COPS9: variants seen among roughly 807,000 people sequenced by gnomAD.
COPS9 encodes COP9 signalosome complex subunit 9.
In COPS9, 8 loss-of-function variants were observed where a neutral mutation model predicts 7.2. The observed-to-expected ratio is 1.11, with a 90% CI of 0.65 to 2.00. COPS9 has a LOEUF of 2.00. Among genes scored for constraint, COPS9 ranks in the 30% most tolerant of loss-of-function variants. COPS9 has a pLI of 0.00. For synonymous variants in COPS9, 39 were observed against 28.7 expected, an observed-to-expected ratio of 1.36 and a Z score of -1.14; for missense variants, 74 against 77.7, an observed-to-expected ratio of 0.95 and a Z score of 0.18.
intron 1 of COPS9, chr2:240,135,852 C>A (rs1357595980): frequency 7.4e-6 from 2 of 270,402 alleles, no homozygotes; most frequent in Admixed American, 5.6e-5. Context: ...AAATCCCACA[C>A]GAGGTTATGG....
At chr2:240,127,069 CT>C, downstream of COPS9, 1 of 1,207,374 alleles carries the variant, frequency 8.3e-7, no homozygotes, top group Non-Finnish European at 1.1e-6. Context: ...GGTACAGGAA[CT>C]TAGGACAGAG....
chr2:240,136,137 C>T, intron 1 of COPS9, 85 bp downstream of exon 1: 1 of 1,374,594 alleles, frequency 7.3e-7, no homozygotes, highest in Non-Finnish European at 9.4e-7. Flanking sequence ...CCTCCCCTCC[C>T]CGGGACCCGC....
chr2:240,133,872 G>A, intron 2 of COPS9, 61 bp downstream of exon 2: 2 of 1,537,648 alleles, frequency 1.3e-6, no homozygotes, highest in Non-Finnish European at 1.8e-6. Flanking sequence ...TTGCTTCACT[G>A]CCTTCACCTA....
chr2:240,134,201 T>A, intron 1 of COPS9, 196 bp from the exon 2 acceptor site: 2 of 582,362 alleles, frequency 3.4e-6, no homozygotes. Flanking sequence ...GAATGATTTT[T>A]AAGGTCTCTC....
intron 2 of COPS9, among the ~76,000 whole-genome samples, chr2:240,133,395 T>C (rs2071940770): frequency 6.6e-6 from 1 of 152,228 alleles, no homozygotes; most frequent in Non-Finnish European, 1.5e-5. Context: ...ACCCATGTTT[T>C]TGGTAACTAG....
chr2:240,130,378 A>G (rs2071909774), downstream of COPS9, among the ~76,000 whole-genome samples: 1 of 152,240 alleles, frequency 6.6e-6, no homozygotes, highest in Non-Finnish European at 1.5e-5. Context: ...CTGGGCCTAC[A>G]GGAAACAAGA....
chr2:240,131,049 TC>T lies in COPS9; in HGVS notation c.*1del. 1.2e-6 allele frequency: 2 copies of T among 1,613,072 alleles called. No homozygotes were observed. The highest frequency in any genetic ancestry group is 1.3e-5 in the African/African-American group (1 of 75,042). The stretch of plus-strand genomic sequence containing the variant: ...TGGCCCCGCCTGCAGCCAGAGGGCA[TC>T]TCACTGGATGTCATCATCATCAAAA... On this transcript the variant is annotated 3_prime_UTR_variant, in exon 3 of 3. Coordinates refer to ENST00000607357, the MANE Select transcript of COPS9 (RefSeq NM_001163424.2).
chr2:240,128,776 G>A (rs1057424803), downstream of COPS9, among the ~76,000 whole-genome samples: 8 of 152,172 alleles, frequency 5.3e-5, no homozygotes, highest in East Asian at 3.9e-4. Flanking sequence ...ACAGCCTCAC[G>A]GTGACAGCCG....
downstream of COPS9, chr2:240,130,070 G>A (rs2071906312): frequency 6.5e-7 from 1 of 1,527,838 alleles, no homozygotes; most frequent in Non-Finnish European, 9.0e-7. Context: ...AGGATGACAG[G>A]GTGGAAATCC....
chr2:240,136,225 G>A lies in COPS9; in HGVS notation c.60C>T (p.Asp20=), dbSNP rs748883853. 3.2e-6 allele frequency: 5 copies of A among 1,555,326 alleles called. No homozygotes were observed. The highest frequency in any genetic ancestry group is 1.9e-5 in the Admixed American group (1 of 51,980). Residue 20 remains aspartate, a synonymous_variant, in exon 1 of 3, where the codon GAC becomes GAT. Coordinates refer to ENST00000607357, the MANE Select transcript of COPS9 (RefSeq NM_001163424.2). ...PEGAGPYVDL[D]EAGGSTGLLM... is the part of the protein sequence containing the mutation. ...ACTCCCGCCGGGCCCGTGCCACCTC[G>A]TCCAGGTCCACGTAGGGCCCGGCGC...
chr2:240,130,175 G>A (rs557874304), downstream of COPS9: 3 of 632,946 alleles, frequency 4.7e-6, no homozygotes, highest in African/African-American at 1.8e-5. Context: ...CTGTAAACAT[G>A]ACAAGGTGAC....
At position 240,134,039 on chromosome 2, in the gene COPS9, C is replaced by T. The variant is rs748959672; in HGVS notation, c.64-34G>A. 2.6e-5 allele frequency: 42 copies of T among 1,608,686 alleles called. No individual in the cohort carries two copies. In the South Asian group the frequency reaches 3.1e-4, roughly 12 times the overall value. On this transcript the variant is annotated intron_variant, in intron 1 of 2. Coordinates refer to ENST00000607357, the MANE Select transcript of COPS9 (RefSeq NM_001163424.2). ...TGGAAAGGCAAGGTTATGTCAGGTGCGTTTTCCGAAAGAACAGGTGATAAG... is the reference window on the plus strand; with the variant it reads ...TGGAAAGGCAAGGTTATGTCAGGTGTGTTTTCCGAAAGAACAGGTGATAAG...
At chr2:240,128,236 G>C (rs1000667551), downstream of COPS9, among the ~76,000 whole-genome samples, 1 of 152,178 alleles carries the variant, frequency 6.6e-6, no homozygotes, top group African/African-American at 2.4e-5. Flanking sequence ...GAGACTGCTG[G>C]AACCACGGTG....
At chr2:240,126,899 T>C, downstream of COPS9, 1 of 1,614,092 alleles carries the variant, frequency 6.2e-7, no homozygotes, top group South Asian at 1.1e-5. Flanking sequence ...TCCCAAACGC[T>C]CTGTCCAAAG....
At chr2:240,131,232 C>G (rs1225982843) in intron 2 of COPS9, 144 bp from the exon 3 acceptor site, 2 of 1,014,994 alleles carry the variant, frequency 2.0e-6, no homozygotes, top group Non-Finnish European at 2.9e-6. Flanking sequence ...CCGTAACAGA[C>G]TTTCAGTTTC....
downstream of COPS9, chr2:240,129,918 G>T: frequency 6.2e-7 from 1 of 1,613,772 alleles, no homozygotes; most frequent in East Asian, 2.2e-5. Context: ...TACCTCTTCC[G>T]ACACCACAGG....
At chr2:240,131,860 T>A (rs1224612367) in intron 2 of COPS9, among the ~76,000 whole-genome samples, 1 of 152,160 alleles carries the variant, frequency 6.6e-6, no homozygotes, top group Non-Finnish European at 1.5e-5. Flanking sequence ...AAGAGGAGGT[T>A]CAACTCCTGG....
At chr2:240,126,968 A>G, downstream of COPS9, 1 of 1,601,632 alleles carries the variant, frequency 6.2e-7, no homozygotes, top group Non-Finnish European at 8.5e-7. Context: ...AGCTCGTGAC[A>G]CTAGAACGAG....
At chr2:240,130,528 G>A (rs950485545), downstream of COPS9, among the ~76,000 whole-genome samples, 6 of 152,230 alleles carry the variant, frequency 3.9e-5, no homozygotes, top group Non-Finnish European at 7.3e-5. Flanking sequence ...GGAGGCCAGA[G>A]GACAGCATAA....
Sources: allele counts gnomAD v4.1 joint callset (sites outside exome capture counted in the v4.1 genomes callset), GRCh38; gene constraint gnomAD v4.1.1; transcripts MANE v1.5; gene names NCBI Gene and HGNC (gene_info 2026-07-23, HGNC 2026-07-21).